CARNMT1: variants seen among roughly 807,000 people sequenced by gnomAD.
The protein encoded by CARNMT1 is carnosine N-methyltransferase 1.
A neutral mutation model predicts 49.6 loss-of-function variants in CARNMT1; 28 were observed. The ratio of observed to expected loss-of-function variants is 0.56; its 90% CI spans 0.42 to 0.77. The LOEUF is 0.77. Among genes scored for constraint, CARNMT1 ranks in the 30% least tolerant of loss-of-function variants. The pLI, the probability that CARNMT1 is intolerant of heterozygous loss-of-function variation, is 0.00. For synonymous variants in CARNMT1, 178 were observed against 175.0 expected (o/e 1.02, Z -0.13); for missense variants, 421 against 512.6 (o/e 0.82, Z 1.73).
At chr9:75,018,237 T>C (rs1316176222) in intron 1 of CARNMT1, among the ~76,000 whole-genome samples, 1 of 151,982 alleles carries the variant, frequency 6.6e-6, no homozygotes, top group Non-Finnish European at 1.5e-5. Flanking sequence ...AATATTTTTG[T>C]ATTTTTTTGT....
Position 74,981,117 on chromosome 9 carries a change from T to C in CARNMT1, c.*2650A>G, listed in dbSNP as rs1470635698. The C allele has an allele frequency of 2.0e-5, 3 of 152,168 alleles. No individual in the cohort carries two copies. Among genetic ancestry groups the C allele is most frequent in the South Asian group, 2.1e-4 (1 of 4,834 alleles). 9.4% of individuals were successfully genotyped at this position (152,168 alleles called of 1,614,324 possible). ...TTTCATGCAGACATGAAGCTTCCAA[T>C]TCAGCTTTTGTGGCAACTTTTAGAA... On this transcript the variant is annotated 3_prime_UTR_variant, in exon 8 of 8. Transcript: ENST00000376834.
chr9:74,995,441 A>T (rs1833158936), intron 6 of CARNMT1, among the ~76,000 whole-genome samples: 1 of 152,112 alleles, frequency 6.6e-6, no homozygotes, highest in Non-Finnish European at 1.5e-5. Context: ...CCTTGGGAAA[A>T]ATTTCCCAAG....
At chr9:74,996,281 G>A (rs933433783) in intron 6 of CARNMT1, 166 bp downstream of exon 6, 2 of 525,524 alleles carry the variant, frequency 3.8e-6, no homozygotes, top group Non-Finnish European at 6.7e-6. Context: ...ACTGCCTTTG[G>A]AGGGATCACC....
At position 75,017,355 on chromosome 9, in the gene CARNMT1, G is replaced by T. The variant is rs749972756; in HGVS notation, c.324C>A (p.His108Gln). 13 of 1,613,914 alleles carry T rather than the reference G, an allele frequency of 8.1e-6. No individual in the cohort carries two copies. The highest frequency in any genetic ancestry group is 1.1e-5 in the Non-Finnish European group (13 of 1,179,922). Reference sequence around the variant, plus strand: ...CAATGCATTTCCGGATCTTGTCCAAGTGAAGAAGAAACTGAGGAAGTAGTT... The same window carrying T: ...CAATGCATTTCCGGATCTTGTCCAATTGAAGAAGAAACTGAGGAAGTAGTT... The part of the protein sequence containing the change: ...QQKLLPQFLL[H>Q]LDKIRKCIDH... The change falls in exon 2 of 8, where the codon CAC (histidine) becomes CAA (glutamine). Residue 108 changes from histidine to glutamine, a missense_variant. Around this residue, in one of 2 missense-constraint regions of CARNMT1, gnomAD observed 186 missense variants for 167.9 expected, o/e 1.11. Transcript: ENST00000376834.
chr9:74,987,613 G>T (rs768455284), intron 6 of CARNMT1, among the ~76,000 whole-genome samples: 7 of 152,080 alleles, frequency 4.6e-5, no homozygotes, highest in Non-Finnish European at 1.0e-4. Context: ...TGACAGCATG[G>T]TATTAGGAGT....
At chr9:75,017,924 A>G (rs2118860019) in intron 1 of CARNMT1, among the ~76,000 whole-genome samples, 1 of 152,318 alleles carries the variant, frequency 6.6e-6, no homozygotes, top group Non-Finnish European at 1.5e-5. Flanking sequence ...ATTACTAAGC[A>G]AATAAAAAAT....
intron 1 of CARNMT1, among the ~76,000 whole-genome samples, chr9:75,026,293 C>T (rs939336712): frequency 6.6e-6 from 1 of 152,158 alleles, no homozygotes; most frequent in African/African-American, 2.4e-5. Context: ...ACCCCTACCC[C>T]AACAAAGTCC....
intron 3 of CARNMT1, among the ~76,000 whole-genome samples, chr9:75,005,868 ACACAC>A (rs1347175548): frequency 8.0e-4 from 117 of 147,088 alleles, no homozygotes; most frequent in African/African-American, 2.6e-3. Context: ...ACACACACAC[ACACAC>A]AATAAAAGGC....
chr9:74,990,087 T>C (rs976638560), intron 6 of CARNMT1, among the ~76,000 whole-genome samples: 2 of 152,114 alleles, frequency 1.3e-5, no homozygotes, highest in Non-Finnish European at 1.5e-5. Flanking sequence ...GAAGAAATAA[T>C]GGCTATTGTT....
intron 6 of CARNMT1, chr9:74,991,167 G>A (rs1306252455): frequency 6.6e-6 from 1 of 151,282 alleles, no homozygotes; most frequent in Non-Finnish European, 1.5e-5. Flanking sequence ...TTTTCCAGAG[G>A]GAGTCTCGCT....
chr9:74,998,860 A>C (rs892613540), intron 4 of CARNMT1, 84 bp from the exon 5 acceptor site: 11 of 765,932 alleles, frequency 1.4e-5, no homozygotes, highest in Admixed American at 1.0e-4. Context: ...TATACTGTTT[A>C]ATTGAAGATT....
chr9:75,017,263 T>A lies in CARNMT1; in HGVS notation c.416A>T (p.Tyr139Phe). Residue 139 changes from tyrosine (Y) to phenylalanine (F), a missense_variant, in exon 2 of 8, where the codon TAT (tyrosine) becomes TTT (phenylalanine). Transcript: ENST00000376834. ...CAAACTTTCACATACATCTTCTCCA[T>A]ATTCTTTATTTTCAAACATATGTAT... is the stretch of plus-strand genomic sequence containing the variant. ...DCIHMFENKE[Y>F]GEDGNGKIMP... 1 of 1,610,050 alleles carries A rather than the reference T, an allele frequency of 6.2e-7. No individual in the cohort carries two copies. Among genetic ancestry groups the A allele is most frequent in the Non-Finnish European group, 8.5e-7 (1 of 1,176,728 alleles).
In CARNMT1 at chr9:74,983,600, C is replaced by T; in HGVS notation, c.*167G>A. ...ATGGCATAGTATATTTCTGAAAAAG[C>T]AATAGACATATTAAGAAAATAGACA... On this transcript the variant is annotated 3_prime_UTR_variant, in exon 8 of 8. Coordinates refer to ENST00000376834, the MANE Select transcript of CARNMT1 (RefSeq NM_152420.3). 2.1e-6 allele frequency: 1 copy of T among 486,542 alleles called. No individual in the cohort carries two copies. The allele number at this position is 486,542 out of a possible 1,614,324, so 30.1% of individuals were successfully genotyped here.
chr9:75,014,295 G>A (rs144796200), intron 3 of CARNMT1, among the ~76,000 whole-genome samples: 48 of 152,272 alleles, frequency 3.2e-4, no homozygotes, highest in Non-Finnish European at 4.6e-4. Flanking sequence ...AAACCATTCT[G>A]TGTGTACTGT....
intron 3 of CARNMT1, among the ~76,000 whole-genome samples, chr9:75,012,896 C>G (rs1008612194): frequency 1.3e-5 from 2 of 148,658 alleles, no homozygotes; most frequent in African/African-American, 2.5e-5. Flanking sequence ...CCAGCCTGGG[C>G]GACTGAGCAA....
intron 7 of CARNMT1, 75 bp from the exon 8 acceptor site, chr9:74,983,943 G>T (rs765411795): frequency 1.1e-6 from 1 of 921,932 alleles, no homozygotes; most frequent in Non-Finnish European, 1.6e-6. Flanking sequence ...GAGCACATAT[G>T]TATCAGTGGC....
chr9:75,016,291 T>C lies in CARNMT1; in HGVS notation c.567A>G (p.Leu189=), dbSNP rs572086678. The C allele has an allele frequency of 4.5e-5, 72 of 1,613,074 alleles. No homozygotes were observed. The Middle Eastern group carries it at 1.5e-3, about 33-fold the overall frequency. The change falls in exon 3 of 8, where the codon TTA becomes TTG. Residue 189 remains leucine (L), a synonymous_variant. Coordinates refer to ENST00000376834, the MANE Select transcript of CARNMT1 (RefSeq NM_152420.3). Reference sequence around the variant, plus strand: ...ACCATCTCTCTTTTGGAAAATTTTTTAAAATTTCTTTAATGATTGGCTGGT... The same window carrying C: ...ACCATCTCTCTTTTGGAAAATTTTTCAAAATTTCTTTAATGATTGGCTGGT... ...ACYQPIIKEI[L]KNFPKERWDP...
intron 2 of CARNMT1, chr9:75,016,739 G>A: frequency 3.5e-6 from 1 of 283,776 alleles, no homozygotes. Context: ...AGGGAAGAAA[G>A]TCCCTCCAGG....
intron 1 of CARNMT1, among the ~76,000 whole-genome samples, chr9:75,025,738 A>G (rs74863347): frequency 1.2e-3 from 185 of 152,292 alleles, no homozygotes; most frequent in African/African-American, 4.4e-3. Flanking sequence ...TCAGATCCAT[A>G]TTGTTTAAGG....
Sources: allele counts gnomAD v4.1 joint callset (sites outside exome capture counted in the v4.1 genomes callset), GRCh38; gene constraint gnomAD v4.1.1; regional missense constraint gnomAD v4.1.1; transcripts MANE v1.5; gene names NCBI Gene and HGNC (gene_info 2026-07-23, HGNC 2026-07-21).